Variants in ABCC5 observed in about 807,000 individuals in gnomAD.
ABCC5 encodes ATP-binding cassette sub-family C member 5.
ABCC5 carries 61 observed loss-of-function variants against 160.9 expected under a neutral mutation model. That is an observed-to-expected ratio of 0.38 (90% CI 0.31 to 0.47). The LOEUF is 0.47. Among genes scored for constraint, ABCC5 ranks in the 20% least tolerant of loss-of-function variants. The pLI, the probability that ABCC5 is intolerant of heterozygous loss-of-function variation, is 0.99. For synonymous variants in ABCC5, 666 were observed against 700.6 expected, an observed-to-expected ratio of 0.95 and a Z score of 0.78; for missense variants, 1,308 against 1,813.3, an observed-to-expected ratio of 0.72 and a Z score of 5.06.
intron 2 of ABCC5, among the ~76,000 whole-genome samples, chr3:183,997,037 A>G (rs891300095): frequency 1.3e-5 from 2 of 152,216 alleles, no homozygotes; most frequent in Non-Finnish European, 2.9e-5. Flanking sequence ...TCCTTCAGAG[A>G]CAGGTCTCTC....
At chr3:183,985,256 A>C in intron 5 of ABCC5, 1 of 1,458,114 alleles carries the variant, frequency 6.9e-7, no homozygotes, top group Non-Finnish European at 9.6e-7. Flanking sequence ...CTGTTAGCAT[A>C]GCTGTCTGGC....
chr3:183,990,415 T>C (rs1233011347), intron 2 of ABCC5, among the ~76,000 whole-genome samples: 1 of 152,206 alleles, frequency 6.6e-6, no homozygotes, highest in Admixed American at 6.5e-5. Flanking sequence ...TATGGACCAC[T>C]CTTTGTGTTC....
rs1031655235 is a variant in ABCC5, at chr3:183,991,343, A to C, written c.130-1960T>G. Among the ~76,000 whole-genome samples, 5 of 152,152 alleles carry C rather than the reference A, an allele frequency of 3.3e-5. No individual in the cohort carries two copies. In the South Asian group the frequency reaches 1.0e-3, roughly 32 times the overall value. ...AAAAAACAAACAAACAAACAAAAAA[A>C]CAAGGAGAATAGATCCCCAAATCAA... is the stretch of plus-strand genomic sequence containing the variant. On this transcript the variant is annotated intron_variant, in intron 2 of 29. Transcript: ENST00000334444.
In ABCC5 at chr3:183,970,451, T is replaced by G. The variant is rs557549849; in HGVS notation, c.1761+1112A>C. On this transcript the variant is annotated intron_variant, in intron 11 of 29. Coordinates refer to ENST00000334444, the MANE Select transcript of ABCC5 (RefSeq NM_005688.4). Reference sequence around the variant, plus strand: ...TCTCCTCACCCACCTTTTTTTTTTTTTTTGAGACTCACTCTGAGTCTCACA... The same window carrying G: ...TCTCCTCACCCACCTTTTTTTTTTTGTTTGAGACTCACTCTGAGTCTCACA... Among the ~76,000 whole-genome samples the G allele has an allele frequency of 2.1e-3, 300 of 145,644 alleles. 1 individual carries two copies. The highest frequency in any genetic ancestry group is 2.7e-3 in the Non-Finnish European group (181 of 66,036).
intron 26 of ABCC5, among the ~76,000 whole-genome samples, chr3:183,937,423 G>A (rs576359143): frequency 6.6e-6 from 1 of 152,258 alleles, no homozygotes; most frequent in Admixed American, 6.5e-5. Flanking sequence ...ACCTAGGAGA[G>A]ATGACAGAAT....
intron 12 of ABCC5, among the ~76,000 whole-genome samples, chr3:183,967,077 C>T (rs1372065201): frequency 2.0e-5 from 3 of 150,558 alleles, no homozygotes; most frequent in Admixed American, 2.0e-4. Flanking sequence ...AGTGGGATGA[C>T]TCCGGCCCCA....
rs1302576446 is a variant in ABCC5 at position 183,921,144 on chromosome 3, T to A, written c.*156A>T. ...AAATACAATAATCAAAATATGACTC[T>A]CCCTAAAAGTGAAACACACAAGCCA... On this transcript the variant is annotated 3_prime_UTR_variant, in exon 30 of 30. Transcript: ENST00000334444. The surrounding 1 kb of genome is among the most constrained non-coding windows in gnomAD (Gnocchi z 4.1). The A allele has an allele frequency of 2.0e-6, 1 of 499,426 alleles. No homozygotes were observed. The highest frequency in any genetic ancestry group is 3.3e-5 in the East Asian group (1 of 30,640). 30.9% of individuals were successfully genotyped at this position (499,426 alleles called of 1,614,324 possible).
rs1270044881 is a variant in ABCC5 at position 183,977,776 on chromosome 3, G to C, written c.1297-152C>G. The stretch of plus-strand genomic sequence containing the variant: ...AATTACATTTTTTTTTTTTTGAGAC[G>C]GAGTCTCGCTCTGTCGCCCAGGCTG... On this transcript the variant is annotated intron_variant, in intron 9 of 29. Transcript: ENST00000334444. 29 of 567,652 alleles carry C rather than the reference G, an allele frequency of 5.1e-5. No individual in the cohort carries two copies. In the East Asian group the frequency reaches 9.2e-4, roughly 18 times the overall value. 35.2% of individuals were successfully genotyped at this position (567,652 alleles called of 1,614,324 possible).
chr3:184,016,149 A>G (rs1329705346), intron 1 of ABCC5, among the ~76,000 whole-genome samples: 1 of 152,230 alleles, frequency 6.6e-6, no homozygotes, highest in African/African-American at 2.4e-5. Context: ...GCACAGGAGC[A>G]GAGAGAGGCA....
rs1448683266 is a variant in ABCC5, at chr3:183,987,651, C to G, written c.591+119G>C. 14 of 1,364,434 alleles carry G rather than the reference C, an allele frequency of 1.0e-5. No homozygotes were observed. Among genetic ancestry groups the G allele is most frequent in the Non-Finnish European group, 1.4e-5 (14 of 977,630 alleles). The allele number at this position is 1,364,434 out of a possible 1,614,324, so 84.5% of individuals were successfully genotyped here. A position where few individuals can be genotyped will look rare whatever the true frequency, so the allele number is the denominator to read the frequency against. ...CGACCCCTTTCAACAGACCTGAAGG[C>G]ATCTCTAAGACTGCTACCTAGCCCA... On this transcript the variant is annotated intron_variant, in intron 5 of 29. Coordinates refer to ENST00000334444, the MANE Select transcript of ABCC5 (RefSeq NM_005688.4). The surrounding 1 kb of genome is among the most constrained non-coding windows in gnomAD (Gnocchi z 4.2).
intron 28 of ABCC5, among the ~76,000 whole-genome samples, chr3:183,927,019 T>TG (rs1712644135): frequency 6.6e-6 from 1 of 151,492 alleles, no homozygotes. Context: ...CACTCCAGCC[T>TG]GGAGACAGAG....
rs1025170991 is a variant in ABCC5, at chr3:183,988,427, A to T, written c.443+145T>A. On this transcript the variant is annotated intron_variant, in intron 4 of 29. Transcript: ENST00000334444. This position sits in a 1 kb window ranked among gnomAD's most constrained non-coding sequence, Gnocchi z 4.4. ...GGTGAAATAGGAGATAAAGCAAAAGAGCAAAGAGAAAGTCATCCCCAGGCC... is the reference window on the plus strand; with the variant it reads ...GGTGAAATAGGAGATAAAGCAAAAGTGCAAAGAGAAAGTCATCCCCAGGCC... The T allele has an allele frequency of 8.7e-6, 8 of 922,646 alleles. No individual in the cohort carries two copies. The highest frequency in any genetic ancestry group is 6.6e-5 in the African/African-American group (4 of 60,268). 57.2% of individuals were successfully genotyped at this position (922,646 alleles called of 1,614,324 possible).
intron 15 of ABCC5, 91 bp from the exon 16 acceptor site, chr3:183,961,745 C>A: frequency 6.9e-7 from 1 of 1,447,052 alleles, no homozygotes; most frequent in Non-Finnish European, 9.4e-7. Flanking sequence ...CTACAGGAGA[C>A]GAGTTAAGCT....
intron 2 of ABCC5, among the ~76,000 whole-genome samples, chr3:183,994,565 G>A (rs756346407): frequency 6.6e-5 from 10 of 152,112 alleles, no homozygotes; most frequent in Non-Finnish European, 8.8e-5. Flanking sequence ...TAGTAGAGAC[G>A]GGGTTTCACC....
In ABCC5 at chr3:183,950,009, G is replaced by C; in HGVS notation, c.3061C>G (p.Leu1021Val). ...FPWFLVAVGP[L>V]VILFSVLHIV... ...TGCAGGACTGAAAAGAGGATGACAAGGGGCCCCACTGCCACAAGGAACCAC... is the reference window on the plus strand; with the variant it reads ...TGCAGGACTGAAAAGAGGATGACAACGGGCCCCACTGCCACAAGGAACCAC... Residue 1021 changes from leucine (L) to valine (V), a missense_variant, in exon 21 of 30, where the codon CTT becomes GTT. Leu to Val is a conservative substitution (Grantham distance 32, BLOSUM62 1). Coordinates refer to ENST00000334444, the MANE Select transcript of ABCC5 (RefSeq NM_005688.4). The C allele has an allele frequency of 6.2e-7, 1 of 1,614,104 alleles. No homozygotes were observed. The highest frequency in any genetic ancestry group is 8.5e-7 in the Non-Finnish European group (1 of 1,180,032).
intron 8 of ABCC5, among the ~76,000 whole-genome samples, chr3:183,980,393 G>A (rs1046802496): frequency 6.6e-6 from 1 of 152,196 alleles, no homozygotes; most frequent in Non-Finnish European, 1.5e-5. Flanking sequence ...GGGGCTGATG[G>A]ATGAGGGAAA....
rs1716741486 is a variant in ABCC5 at position 183,961,589 on chromosome 3, A to G, written c.2301T>C (p.His767=). 1.9e-6 allele frequency: 3 copies of G among 1,614,212 alleles called. No individual in the cohort carries two copies. The highest frequency in any genetic ancestry group is 2.5e-6 in the Non-Finnish European group (3 of 1,180,030). ...KEGCITERGT[H]EELMNLNGDY... Reference sequence around the variant, plus strand: ...CACCATTTAAATTCATCAGTTCCTCATGGGTGCCTCTTTCCGTAATACAGC... The same window carrying G: ...CACCATTTAAATTCATCAGTTCCTCGTGGGTGCCTCTTTCCGTAATACAGC... The change falls in exon 16 of 30, where the codon CAT becomes CAC. Residue 767 remains histidine, a synonymous_variant. Transcript: ENST00000334444.
intron 5 of ABCC5, chr3:183,985,409 T>A: frequency 6.3e-7 from 1 of 1,583,772 alleles, no homozygotes; most frequent in Non-Finnish European, 8.7e-7. Flanking sequence ...CTGGTTCCAC[T>A]ACAGAGAGAC....
At chr3:183,989,997 G>T (rs1423833692) in intron 2 of ABCC5, among the ~76,000 whole-genome samples, 3 of 152,116 alleles carry the variant, frequency 2.0e-5, no homozygotes, top group African/African-American at 7.2e-5. Context: ...TAGAGGTGGG[G>T]TTTCACCATG....
Sources: allele counts gnomAD v4.1 joint callset (sites outside exome capture counted in the v4.1 genomes callset), GRCh38; gene constraint gnomAD v4.1.1; non-coding constraint Gnocchi (gnomAD v3.1); transcripts MANE v1.5; gene names NCBI Gene and HGNC (gene_info 2026-07-23, HGNC 2026-07-21).